USHBP1: variants seen among roughly 807,000 people sequenced by gnomAD.
The protein encoded by USHBP1 is USH1 protein network component harmonin binding protein 1.
USHBP1 carries 67 observed loss-of-function variants against 76.2 expected under a neutral mutation model. The ratio of observed to expected loss-of-function variants is 0.88; its 90% confidence interval spans 0.72 to 1.08. The LOEUF (loss-of-function observed/expected upper bound fraction) is 1.08. USHBP1 is among the 50% of genes least tolerant of loss of function. The pLI, the probability that USHBP1 is intolerant of heterozygous loss-of-function variation, is 0.00. For missense variants in USHBP1, 931 were observed against 915.0 expected (o/e 1.02, Z -0.23); for synonymous variants, 322 against 362.2 (o/e 0.89, Z 1.26).
chr19:17,263,345 G>C, intron 3 of USHBP1: 1 of 185,804 alleles, frequency 5.4e-6, no homozygotes, highest in South Asian at 1.5e-4. Flanking sequence ...GCCCTGGGCA[G>C]GGAATTCTGA....
intron 8 of USHBP1, 86 bp downstream of exon 8, chr19:17,258,126 G>A (rs527401695): frequency 1.4e-4 from 222 of 1,585,430 alleles, no homozygotes; most frequent in East Asian, 5.6e-4. Context: ...ACCAAGCCCC[G>A]AAACGTGGTG....
Position 17,259,360 on chromosome 19 carries a change from A to T in USHBP1, c.975T>A (p.Cys325Ter), listed in dbSNP as rs548539043. 1.2e-6 allele frequency: 2 copies of T among 1,614,160 alleles called. No individual in the cohort carries two copies. The highest frequency in any genetic ancestry group is 1.7e-6 in the Non-Finnish European group (2 of 1,180,028). Reference sequence around the variant, plus strand: ...GGCCTAGCTGCATGCTGAGGCCTTCACAGCGGCCCTTGTATCCCTGTAGCA... The same window carrying T: ...GGCCTAGCTGCATGCTGAGGCCTTCTCAGCGGCCCTTGTATCCCTGTAGCA... Reference protein sequence around the residue: ...SAVLQGYKGRCEGLSMQLGQR... With the variant: ...SAVLQGYKGR The change falls in exon 7 of 13, where the codon TGT becomes TGA. Residue 325 changes from cysteine to a stop codon, truncating the protein, a stop_gained. Coordinates refer to ENST00000252597, the MANE Select transcript of USHBP1 (RefSeq NM_031941.4). LOFTEE classifies it high-confidence loss of function.
At chr19:17,261,206 C>T (rs2073683122) in intron 4 of USHBP1, among the ~76,000 whole-genome samples, 1 of 152,196 alleles carries the variant, frequency 6.6e-6, no homozygotes, top group Non-Finnish European at 1.5e-5. Context: ...TCCCCACACT[C>T]TCCCTGTTGC....
intron 12 of USHBP1, among the ~76,000 whole-genome samples, 194 bp from the exon 13 acceptor site, chr19:17,250,608 T>C (rs2073538729): frequency 6.6e-6 from 1 of 152,198 alleles, no homozygotes; most frequent in Admixed American, 6.5e-5. Context: ...TGGAGTGCAA[T>C]GGTAAGATCT....
At chr19:17,263,049 A>G in intron 3 of USHBP1, 59 bp from the exon 4 acceptor site, 1 of 1,475,538 alleles carries the variant, frequency 6.8e-7, no homozygotes, top group South Asian at 1.5e-5. Context: ...ATTCTTTTTT[A>G]TTTTTTGAGA....
At chr19:17,250,448 C>G in intron 12 of USHBP1, 34 bp from the exon 13 acceptor site, 1 of 1,594,668 alleles carries the variant, frequency 6.3e-7, no homozygotes, top group Non-Finnish European at 8.5e-7. Context: ...CAGGAAACAG[C>G]CCCCGAGTCC....
chr19:17,256,776 G>C (rs4464206), intron 8 of USHBP1, 56 bp from the exon 9 acceptor site: 1,039,322 of 1,608,524 alleles, frequency 0.65, 340,366 homozygotes, highest in African/African-American at 0.89. Context: ...GGTGGGTTAA[G>C]TTCATGCCAA....
intron 10 of USHBP1, among the ~76,000 whole-genome samples, chr19:17,253,269 T>G (rs1229979912): frequency 1.4e-5 from 2 of 146,830 alleles, no homozygotes; most frequent in Non-Finnish European, 3.0e-5. Context: ...GCATGAGCCA[T>G]CGTGCCCGGA....
chr19:17,264,029 T>C lies in USHBP1; in HGVS notation c.176A>G (p.Glu59Gly). The C allele has an allele frequency of 1.0e-5, 16 of 1,606,954 alleles. No individual in the cohort carries two copies. The highest frequency in any genetic ancestry group is 1.4e-5 in the Non-Finnish European group (16 of 1,176,582). Residue 59 changes from glutamate to glycine, a missense_variant, in exon 3 of 13, where the codon GAG becomes GGG. Physicochemically the swap from Glu to Gly is moderately conservative, Grantham distance 98 (BLOSUM62 -2). Coordinates refer to ENST00000252597, the MANE Select transcript of USHBP1 (RefSeq NM_031941.4). ...SGLEQLGPMEEVSGQGLGSRT... is the reference protein window; with the variant it reads ...SGLEQLGPMEGVSGQGLGSRT... The stretch of plus-strand genomic sequence containing the variant: ...GCTTCCTAGGCCTTGGCCACTGACC[T>C]CCTCCATGGGGCCCAGCTGCTCCAG...
chr19:17,253,479 C>A (rs1232672916), intron 10 of USHBP1, among the ~76,000 whole-genome samples: 9 of 150,168 alleles, frequency 6.0e-5, no homozygotes, highest in Non-Finnish European at 1.0e-4. Context: ...TTAGTAGAGA[C>A]AGGGTTTCAC....
At chr19:17,256,392 G>T (rs759765543) in intron 9 of USHBP1, 79 bp downstream of exon 9, 111 of 1,573,332 alleles carry the variant, frequency 7.1e-5, no homozygotes, top group Non-Finnish European at 9.4e-5. Flanking sequence ...ATTCTCCTTT[G>T]CTCCTTGGTC....
chr19:17,250,196 G>T lies in USHBP1; in HGVS notation c.*29C>A, dbSNP rs760457990. ...GTTTATGACATGCCACAGCTGTCTG[G>T]CATGTCCAGACATGGCTGGGTAAGG... On this transcript the variant is annotated 3_prime_UTR_variant, in exon 13 of 13. Transcript: ENST00000252597. 2 of 1,579,794 alleles carry T rather than the reference G, an allele frequency of 1.3e-6. No homozygotes were observed. Among genetic ancestry groups the T allele is most frequent in the Non-Finnish European group, 1.7e-6 (2 of 1,163,728 alleles).
chr19:17,251,438 A>T, intron 12 of USHBP1, 144 bp downstream of exon 12: 1 of 1,147,486 alleles, frequency 8.7e-7, no homozygotes, highest in Non-Finnish European at 1.2e-6. Flanking sequence ...TGCTGGGATT[A>T]CAGGTGTGAG....
intron 4 of USHBP1, among the ~76,000 whole-genome samples, 165 bp from the exon 5 acceptor site, chr19:17,260,187 C>G (rs911962896): frequency 2.6e-5 from 4 of 152,216 alleles, no homozygotes; most frequent in African/African-American, 9.6e-5. Context: ...GGGAATGTTT[C>G]TCAGCTGCTG....
chr19:17,251,231 G>A (rs2073547655), intron 12 of USHBP1, among the ~76,000 whole-genome samples: 1 of 148,744 alleles, frequency 6.7e-6, no homozygotes, highest in Admixed American at 6.7e-5. Flanking sequence ...GTGCAGTGGT[G>A]TGATCTCTGC....
chr19:17,256,833 C>T, intron 8 of USHBP1, 113 bp from the exon 9 acceptor site: 1 of 1,453,984 alleles, frequency 6.9e-7, no homozygotes. Context: ...ACGATGGAAT[C>T]TATGCCATCT....
chr19:17,251,452 C>G lies in USHBP1; in HGVS notation c.1922+130G>C. On this transcript the variant is annotated intron_variant, in intron 12 of 12. Coordinates refer to ENST00000252597, the MANE Select transcript of USHBP1 (RefSeq NM_031941.4). Reference sequence around the variant, plus strand: ...ATGCTGGGATTACAGGTGTGAGCCACCACACCTGACCGTTACTGCCTATCT... The same window carrying G: ...ATGCTGGGATTACAGGTGTGAGCCAGCACACCTGACCGTTACTGCCTATCT... 4 of 1,299,960 alleles carry G rather than the reference C, an allele frequency of 3.1e-6. No homozygotes were observed. In the South Asian group the frequency reaches 5.2e-5, roughly 17 times the overall value. The allele number at this position is 1,299,960 out of a possible 1,614,324, so 80.5% of individuals were successfully genotyped here.
intron 5 of USHBP1, 27 bp downstream of exon 5, chr19:17,259,870 C>A (rs758645599): frequency 6.2e-7 from 1 of 1,606,254 alleles, no homozygotes; most frequent in Non-Finnish European, 8.5e-7. Flanking sequence ...GACATCAAGA[C>A]CATGGGATTG....
chr19:17,251,866 G>A (rs1207013113), intron 11 of USHBP1, 45 bp downstream of exon 11: 1 of 1,517,032 alleles, frequency 6.6e-7, no homozygotes, highest in African/African-American at 1.4e-5. Context: ...CTCTCACATA[G>A]GCTGCCTGCC....
Sources: gnomAD v4.1 joint callset for allele counts (sites outside exome capture counted in the v4.1 genomes callset) on GRCh38, gnomAD v4.1.1 for gene constraint, MANE v1.5 for transcripts, NCBI Gene and HGNC (gene_info 2026-07-23, HGNC 2026-07-21) for gene names.